DCHS2: variants seen among roughly 807,000 people sequenced by gnomAD.
The protein encoded by DCHS2 is protocadherin-23.
DCHS2 carries 142 observed loss-of-function variants against 182.4 expected under a neutral mutation model. That is an observed-to-expected ratio of 0.78 (90% confidence interval 0.68 to 0.89). The LOEUF (loss-of-function observed/expected upper bound fraction) is 0.89. Among genes scored for constraint, DCHS2 ranks in the 40% least tolerant of loss-of-function variants. The pLI is 0.00. For synonymous variants in DCHS2, 1,740 were observed against 1,663.3 expected (o/e 1.05, Z -1.12); for missense variants, 4,319 against 4,198.6 (o/e 1.03, Z -0.79).
intron 16 of DCHS2, among the ~76,000 whole-genome samples, chr4:154,245,144 A>G (rs182697553): frequency 1.2e-3 from 179 of 152,310 alleles, no homozygotes; most frequent in Middle Eastern, 0.01. Flanking sequence ...TGAAGAACAA[A>G]TAAAAAAATA....
At chr4:154,395,939 A>G (rs892799021) in intron 1 of DCHS2, among the ~76,000 whole-genome samples, 2 of 152,336 alleles carry the variant, frequency 1.3e-5, no homozygotes, top group East Asian at 3.9e-4. Flanking sequence ...ATGTGCTTTC[A>G]TTTGACTTAA....
At chr4:154,287,200 A>G (rs911380333) in intron 13 of DCHS2, among the ~76,000 whole-genome samples, 2 of 152,190 alleles carry the variant, frequency 1.3e-5, no homozygotes, top group Non-Finnish European at 1.5e-5. Context: ...CTTACAAGAA[A>G]TCCTATGGGG....
At chr4:154,304,353 G>T (rs1440564559) in intron 12 of DCHS2, among the ~76,000 whole-genome samples, 2 of 152,104 alleles carry the variant, frequency 1.3e-5, no homozygotes, top group East Asian at 1.9e-4. Context: ...GTGGTTCAAG[G>T]TGGCTGTGAG....
chr4:154,434,174 C>T (rs1287720197), intron 1 of DCHS2, among the ~76,000 whole-genome samples: 3 of 152,160 alleles, frequency 2.0e-5, no homozygotes, highest in African/African-American at 7.2e-5. Context: ...TGGCTCATGC[C>T]TGTAATCCCA....
chr4:154,387,531 A>C (rs1187326928), intron 1 of DCHS2, among the ~76,000 whole-genome samples: 2 of 152,002 alleles, frequency 1.3e-5, no homozygotes, highest in Non-Finnish European at 2.9e-5. Context: ...TCAGACCAAA[A>C]GAGATTCTAC....
intron 10 of DCHS2, among the ~76,000 whole-genome samples, chr4:154,315,023 G>A (rs72956076): frequency 0.022 from 3,402 of 152,256 alleles, 124 homozygotes; most frequent in African/African-American, 0.078. Context: ...CAGCCACAGT[G>A]ATGTTGAAAA....
intron 1 of DCHS2, among the ~76,000 whole-genome samples, chr4:154,487,443 A>G (rs946937554): frequency 2.6e-5 from 4 of 152,160 alleles, no homozygotes; most frequent in African/African-American, 9.7e-5. Context: ...AGAGAAATAT[A>G]CTTTGACAGT....
intron 15 of DCHS2, 44 bp downstream of exon 15, chr4:154,259,501 C>T (rs578083298): frequency 1.4e-5 from 6 of 439,312 alleles, no homozygotes; most frequent in East Asian, 1.9e-4. Context: ...CAGACACACC[C>T]ACACACACAC....
chr4:154,445,934 A>G (rs1475758749), intron 1 of DCHS2, among the ~76,000 whole-genome samples: 2 of 152,188 alleles, frequency 1.3e-5, no homozygotes, highest in Non-Finnish European at 2.9e-5. Context: ...GCATTTGTCT[A>G]CCCCTGAAAA....
chr4:154,239,753 C>A (rs1246810756), intron 18 of DCHS2, among the ~76,000 whole-genome samples: 1 of 152,154 alleles, frequency 6.6e-6, no homozygotes, highest in Non-Finnish European at 1.5e-5. Context: ...AGGTGATCCG[C>A]CCACCTCAGC....
chr4:154,336,071 G>A (rs1037589779), intron 3 of DCHS2, among the ~76,000 whole-genome samples: 10 of 152,166 alleles, frequency 6.6e-5, no homozygotes, highest in African/African-American at 2.2e-4. Context: ...GAACTAGACC[G>A]TGTAGGGTAG....
rs1206857802 is a variant in DCHS2, at chr4:154,231,804, C to G, written c.*2732G>C. 1.3e-5 allele frequency: 2 copies of G among 152,076 alleles called. No individual in the cohort carries two copies. Among genetic ancestry groups the G allele is most frequent in the Non-Finnish European group, 2.9e-5 (2 of 67,984 alleles). 9.4% of individuals were successfully genotyped at this position (152,076 alleles called of 1,614,324 possible). A position where few individuals can be genotyped will look rare whatever the true frequency, so the allele number is the denominator to read the frequency against. ...GTCTATTATAGATTGAATATGAATA[C>G]ATGGAGGCAGCCAGTAATGTAGAGT... is the stretch of plus-strand genomic sequence containing the variant. On this transcript the variant is annotated 3_prime_UTR_variant, in exon 20 of 20. Coordinates refer to ENST00000357232, the MANE Select transcript of DCHS2 (RefSeq NM_001358235.2).
intron 3 of DCHS2, among the ~76,000 whole-genome samples, chr4:154,358,324 CCTGA>C (rs1729966245): frequency 6.6e-6 from 1 of 152,100 alleles, no homozygotes; most frequent in African/African-American, 2.4e-5. Flanking sequence ...TGCTCTCTTG[CCTGA>C]CTGTTTTAGA....
intron 10 of DCHS2, among the ~76,000 whole-genome samples, 158 bp downstream of exon 10, chr4:154,315,584 GGTGTAT>G (rs1352452677): frequency 6.6e-6 from 1 of 152,176 alleles, no homozygotes; most frequent in Non-Finnish European, 1.5e-5. Context: ...TATCTTTACA[GGTGTAT>G]GTGTTTCTGT....
intron 16 of DCHS2, among the ~76,000 whole-genome samples, chr4:154,253,157 C>T (rs551452292): frequency 1.3e-5 from 2 of 149,824 alleles, no homozygotes; most frequent in South Asian, 4.2e-4. Context: ...TAATTCCTTG[C>T]CTTGGTGATG....
chr4:154,389,516 T>TTTTATATATATATATATATA (rs1554013193), intron 1 of DCHS2, among the ~76,000 whole-genome samples: 1 of 111,132 alleles, frequency 9.0e-6, no homozygotes, highest in Non-Finnish European at 2.0e-5. Flanking sequence ...AAGACAAAGG[T>TTTTATATATATATATATATA]TATATATATA....
intron 1 of DCHS2, among the ~76,000 whole-genome samples, chr4:154,456,208 G>A (rs552675916): frequency 5.9e-4 from 90 of 152,250 alleles, no homozygotes; most frequent in African/African-American, 1.8e-3. Flanking sequence ...GTCTGTCTTC[G>A]CTGCTATAGT....
chr4:154,326,932 T>C (rs1295280881), intron 7 of DCHS2, among the ~76,000 whole-genome samples: 1 of 152,204 alleles, frequency 6.6e-6, no homozygotes, highest in East Asian at 1.9e-4. Context: ...GAACATTTGA[T>C]TGAAATCATA....
rs1231939488 is a variant in DCHS2, at chr4:154,232,057, T to G, written c.*2479A>C. 6.6e-6 allele frequency: 1 copy of G among 151,992 alleles called. No individual in the cohort carries two copies. The highest frequency in any genetic ancestry group is 2.4e-5 in the African/African-American group (1 of 41,334). 9.4% of individuals were successfully genotyped at this position (151,992 alleles called of 1,614,324 possible). ...CAAAATTCCACAAGAGACAACTGTC[T>G]TTTATTTTATAGCTTATGAATTTGG... is the stretch of plus-strand genomic sequence containing the variant. On this transcript the variant is annotated 3_prime_UTR_variant, in exon 20 of 20. Coordinates refer to ENST00000357232, the MANE Select transcript of DCHS2 (RefSeq NM_001358235.2).
Sources: allele counts gnomAD v4.1 joint callset (sites outside exome capture counted in the v4.1 genomes callset), GRCh38; gene constraint gnomAD v4.1.1; transcripts MANE v1.5; gene names NCBI Gene and HGNC (gene_info 2026-07-23, HGNC 2026-07-21).